Variants in AKAP9 observed in about 807,000 individuals in gnomAD.
AKAP9 encodes A-kinase anchoring protein 9, also known as A-kinase anchor protein 9.
In AKAP9, 311 loss-of-function variants were observed where a neutral mutation model predicts 488.5. The ratio of observed to expected loss-of-function variants is 0.64; its 90% CI spans 0.58 to 0.70. The LOEUF (loss-of-function observed/expected upper bound fraction) is 0.70. Among genes scored for constraint, AKAP9 ranks in the 30% least tolerant of loss-of-function variants. AKAP9 has a pLI of 0.00. For synonymous variants in AKAP9, 1,462 were observed against 1,483.5 expected, an observed-to-expected ratio of 0.99 and a Z score of 0.33; for missense variants, 4,215 against 4,374.5, an observed-to-expected ratio of 0.96 and a Z score of 1.03.
intron 1 of AKAP9, among the ~76,000 whole-genome samples, chr7:91,956,995 G>T (rs989686448): frequency 6.6e-6 from 1 of 152,056 alleles, no homozygotes; most frequent in South Asian, 2.1e-4. Flanking sequence ...AAATGCTTTA[G>T]TATTTAAAGG....
In AKAP9 at chr7:92,062,358, A is replaced by G. The variant is rs765968419; in HGVS notation, c.5849A>G (p.Gln1950Arg). 1 of 1,613,926 alleles carries G rather than the reference A, an allele frequency of 6.2e-7. No homozygotes were observed. ...ACTGATATAATAGATCGTCTTGAGC[A>G]GGAGTTGTTATGTGCAAGTAACAGG... ...EKTDIIDRLE[Q>R]ELLCASNRLQ... is the part of the protein sequence containing the mutation. The change falls in exon 24 of 50, where the codon CAG becomes CGG. Residue 1950 changes from glutamine (Q) to arginine (R), a missense_variant. This residue lies in a region of AKAP9 where 2,361 missense variants were observed against 2,430.0 expected (regional missense o/e 0.97). Coordinates refer to ENST00000356239, the MANE Select transcript of AKAP9 (RefSeq NM_005751.5).
At chr7:91,987,570 A>G (rs1451668552) in intron 3 of AKAP9, among the ~76,000 whole-genome samples, 1 of 152,244 alleles carries the variant, frequency 6.6e-6, no homozygotes, top group Non-Finnish European at 1.5e-5. Context: ...CTATGTCTAG[A>G]GAAAACGTAG....
chr7:92,072,472 T>C (rs1010479869), intron 28 of AKAP9, among the ~76,000 whole-genome samples: 17 of 152,052 alleles, frequency 1.1e-4, no homozygotes, highest in Non-Finnish European at 2.9e-5. Context: ...TTCTTAAGCA[T>C]TTTTTCCCCA....
rs373592394 is a variant in AKAP9 at position 91,952,753 on chromosome 7, A to C, written c.48+11606A>C. ...AGGGCTCCATCTTGAAAATCCTTGA[A>C]TCTATGTTAAGGAGATTGGATTATA... On this transcript the variant is annotated intron_variant, in intron 1 of 49. Coordinates refer to ENST00000356239, the MANE Select transcript of AKAP9 (RefSeq NM_005751.5). Among the ~76,000 whole-genome samples, 4 of 152,326 alleles carry C rather than the reference A, an allele frequency of 2.6e-5. 1 individual carries two copies.
chr7:91,985,075 T>A (rs1049284387), intron 3 of AKAP9, among the ~76,000 whole-genome samples: 1 of 152,232 alleles, frequency 6.6e-6, no homozygotes, highest in Non-Finnish European at 1.5e-5. Flanking sequence ...ACGATTTGAC[T>A]TCCTCTTTTC....
intron 18 of AKAP9, 85 bp downstream of exon 18, chr7:92,040,983 A>G: frequency 8.6e-7 from 1 of 1,160,744 alleles, no homozygotes; most frequent in Non-Finnish European, 1.2e-6. Context: ...TTAAAACAAC[A>G]GTATTTTTTA....
intron 3 of AKAP9, among the ~76,000 whole-genome samples, chr7:91,987,294 C>A (rs1041209758): frequency 2.6e-5 from 4 of 152,028 alleles, no homozygotes; most frequent in African/African-American, 9.7e-5. Flanking sequence ...TGGCGTATGC[C>A]TGTAATCCCA....
Position 92,016,214 on chromosome 7 carries a change from A to C in AKAP9, c.3698A>C (p.Tyr1233Ser). The C allele has an allele frequency of 6.3e-7, 1 of 1,580,528 alleles. No homozygotes were observed. Among genetic ancestry groups the C allele is most frequent in the Non-Finnish European group, 8.7e-7 (1 of 1,151,198 alleles). Residue 1233 changes from tyrosine to serine, a missense_variant, in exon 11 of 50, where the codon TAC becomes TCC. Tyr to Ser is a moderately radical substitution (Grantham distance 144). Coordinates refer to ENST00000356239, the MANE Select transcript of AKAP9 (RefSeq NM_005751.5). ...NAEDKENSGD[Y>S]ISENEDPELQ... ...GAAGACAAAGAGAATTCTGGTGATT[A>C]CATTTCTGAAAATGAAGATCCAGAA...
chr7:92,106,101 C>T (rs1818471828), intron 47 of AKAP9, among the ~76,000 whole-genome samples: 2 of 152,206 alleles, frequency 1.3e-5, no homozygotes. Flanking sequence ...AAATTGTCTT[C>T]CATGAAATGT....
intron 16 of AKAP9, 78 bp downstream of exon 16, chr7:92,031,682 G>A (rs1253264243): frequency 2.7e-5 from 30 of 1,107,398 alleles, no homozygotes; most frequent in Non-Finnish European, 3.9e-5. Context: ...AGATTTTATC[G>A]ATGGTATGTA....
intron 1 of AKAP9, among the ~76,000 whole-genome samples, chr7:91,955,372 C>T (rs1435465194): frequency 6.6e-6 from 1 of 152,210 alleles, no homozygotes; most frequent in South Asian, 2.1e-4. Flanking sequence ...AAGAAGCATA[C>T]ACATACGAAT....
Position 92,079,301 on chromosome 7 carries a change from G to A in AKAP9, c.7168G>A (p.Val2390Met), listed in dbSNP as rs1347909469. 3 of 1,614,088 alleles carry A rather than the reference G, an allele frequency of 1.9e-6. No individual in the cohort carries two copies. Among genetic ancestry groups the A allele is most frequent in the Non-Finnish European group, 2.5e-6 (3 of 1,180,004 alleles). Residue 2390 changes from valine (V) to methionine (M), a missense_variant, in exon 31 of 50, where the codon GTG becomes ATG. Val to Met is a conservative substitution (Grantham distance 21, BLOSUM62 1). Around this residue, in one of 5 missense-constraint regions of AKAP9, gnomAD observed 1,476 missense variants for 1,477.4 expected, o/e 1.00. Transcript: ENST00000356239. ...EADSLKHQLD[V>M]VIAEKLALEQ... is the part of the protein sequence containing the mutation. ...AGACAGTTTAAAACATCAATTGGAT[G>A]TGGTTATAGCTGAAAAGCTGGCCTT...
At chr7:91,985,742 G>T (rs894811533) in intron 3 of AKAP9, among the ~76,000 whole-genome samples, 1 of 152,016 alleles carries the variant, frequency 6.6e-6, no homozygotes, top group Non-Finnish European at 1.5e-5. Context: ...TCGCCTGCCG[G>T]GTTCACACAA....
intron 19 of AKAP9, 71 bp downstream of exon 19, chr7:92,042,257 TG>T: frequency 1.3e-6 from 2 of 1,590,692 alleles, no homozygotes; most frequent in Non-Finnish European, 1.7e-6. Context: ...TCTTTGTTGT[TG>T]GTATGAGATG....
At chr7:91,975,084 T>C (rs1795490193) in intron 2 of AKAP9, among the ~76,000 whole-genome samples, 1 of 152,156 alleles carries the variant, frequency 6.6e-6, no homozygotes, top group Non-Finnish European at 1.5e-5. Flanking sequence ...ACTCCTGAGC[T>C]CAGGAGATCC....
intron 40 of AKAP9, among the ~76,000 whole-genome samples, chr7:92,096,217 GC>G (rs1327431684): frequency 7.3e-5 from 11 of 151,618 alleles, no homozygotes; most frequent in Admixed American, 7.2e-4. Flanking sequence ...TCATGATTAT[GC>G]ACTAACTACT....
Position 92,053,091 on chromosome 7 carries a change from TTAA to T in AKAP9, c.5601+135_5601+137del, listed in dbSNP as rs1193179489. The stretch of plus-strand genomic sequence containing the variant: ...TTCAAAGCTTGAATGCATATGCATC[TTAA>T]TTATCCCTTTGGTTGTATGAAAGTT... On this transcript the variant is annotated intron_variant, in intron 22 of 49. Transcript: ENST00000356239. 16 of 720,006 alleles carry T rather than the reference TTAA, an allele frequency of 2.2e-5. No individual in the cohort carries two copies. In the East Asian group the frequency reaches 4.3e-4, roughly 19 times the overall value. 44.6% of individuals were successfully genotyped at this position (720,006 alleles called of 1,614,324 possible).
At position 92,095,004 on chromosome 7, in the gene AKAP9, A is replaced by G; in HGVS notation, c.9579-19A>G. On this transcript the variant is annotated intron_variant, in intron 39 of 49. Coordinates refer to ENST00000356239, the MANE Select transcript of AKAP9 (RefSeq NM_005751.5). ...CGTCAACATAGCTTTATGGAAATTC[A>G]TTTGTCTTTCTGACTTAGGTTGGAA... The G allele has an allele frequency of 1.2e-6, 2 of 1,613,026 alleles. No individual in the cohort carries two copies. Among genetic ancestry groups the G allele is most frequent in the Non-Finnish European group, 1.7e-6 (2 of 1,179,088 alleles).
At chr7:91,977,072 A>G (rs902572666) in intron 2 of AKAP9, among the ~76,000 whole-genome samples, 4 of 151,548 alleles carry the variant, frequency 2.6e-5, no homozygotes, top group Non-Finnish European at 5.9e-5. Context: ...CAGCCTGGGC[A>G]AAAAAGGGAT....
Sources: allele counts gnomAD v4.1 joint callset (sites outside exome capture counted in the v4.1 genomes callset), GRCh38; gene constraint gnomAD v4.1.1; regional missense constraint gnomAD v4.1.1; transcripts MANE v1.5; gene names NCBI Gene and HGNC (gene_info 2026-07-23, HGNC 2026-07-21).